Variants in NCOA1 observed in about 807,000 individuals in gnomAD.
NCOA1 encodes the protein nuclear receptor coactivator 1.
Under a neutral mutation model 150.9 loss-of-function variants are expected in NCOA1, and 35 were observed. The observed-to-expected ratio is 0.23, with a 90% CI of 0.18 to 0.31. NCOA1 has a LOEUF of 0.31. Among genes scored for constraint, NCOA1 ranks in the 10% least tolerant of loss-of-function variants. NCOA1 has a pLI of 1.00. For synonymous variants in NCOA1, 590 were observed against 630.0 expected (o/e 0.94, Z 0.95); for missense variants, 1,491 against 1,749.3 (o/e 0.85, Z 2.63).
At chr2:24,549,296 G>A (rs1195860861) in intron 1 of NCOA1, among the ~76,000 whole-genome samples, 1 of 152,118 alleles carries the variant, frequency 6.6e-6, no homozygotes, top group East Asian at 1.9e-4. Context: ...GGCACACAGG[G>A]CACTAAGTCC....
At chr2:24,532,604 T>A (rs1664947011) in intron 1 of NCOA1, among the ~76,000 whole-genome samples, 1 of 152,216 alleles carries the variant, frequency 6.6e-6, no homozygotes, top group African/African-American at 2.4e-5. Context: ...TTTAAATCTT[T>A]AATCCATCTT....
chr2:24,496,581 CTCTT>C (rs1663224747), intron 1 of NCOA1, among the ~76,000 whole-genome samples: 2 of 152,176 alleles, frequency 1.3e-5, no homozygotes, highest in African/African-American at 4.8e-5. Flanking sequence ...CTCTTTCTCT[CTCTT>C]TCTTTTGAGA....
At chr2:24,764,818 C>T (rs1213856107) in intron 22 of NCOA1, among the ~76,000 whole-genome samples, 1 of 152,080 alleles carries the variant, frequency 6.6e-6, no homozygotes, top group Non-Finnish European at 1.5e-5. Flanking sequence ...GATATATTGG[C>T]CAGTTGAGAA....
At chr2:24,675,164 T>C (rs1487297457) in intron 7 of NCOA1, among the ~76,000 whole-genome samples, 1 of 152,252 alleles carries the variant, frequency 6.6e-6, no homozygotes, top group Non-Finnish European at 1.5e-5. Context: ...GGTTTATCTG[T>C]GTCTTTGTCT....
chr2:24,514,318 AAAAG>A (rs1399007910), intron 1 of NCOA1, among the ~76,000 whole-genome samples: 1 of 151,088 alleles, frequency 6.6e-6, no homozygotes, highest in Non-Finnish European at 1.5e-5. Context: ...GAAAAAAACA[AAAAG>A]AAAAAAAGAA....
intron 1 of NCOA1, among the ~76,000 whole-genome samples, chr2:24,530,705 A>G (rs372034686): frequency 6.6e-6 from 1 of 152,220 alleles, no homozygotes; most frequent in Admixed American, 6.5e-5. Flanking sequence ...GAGTCCACAT[A>G]ACACTTAGAC....
In NCOA1 at chr2:24,729,545, A is replaced by G; in HGVS notation, c.2931A>G (p.Gln977=). The change falls in exon 17 of 23, where the codon CAA becomes CAG. Residue 977 remains glutamine (Q), a synonymous_variant. Transcript: ENST00000348332. ...DVLSERFPPQ[Q]ATPPLIMEER... is the part of the protein sequence containing the mutation. ...TATCAGAGAGATTTCCACCACAACA[A>G]GCAACGCCACCTTTGATCATGGAAG... 4 of 1,614,170 alleles carry G rather than the reference A, an allele frequency of 2.5e-6. No individual in the cohort carries two copies. Among genetic ancestry groups the G allele is most frequent in the Non-Finnish European group, 3.4e-6 (4 of 1,180,012 alleles).
At chr2:24,698,801 T>G (rs1012990163) in intron 11 of NCOA1, among the ~76,000 whole-genome samples, 2 of 152,186 alleles carry the variant, frequency 1.3e-5, no homozygotes, top group African/African-American at 2.4e-5. Context: ...TTTCCTAAGT[T>G]TACGGATGAT....
At chr2:24,650,902 T>C (rs1166393579) in intron 4 of NCOA1, among the ~76,000 whole-genome samples, 1 of 152,138 alleles carries the variant, frequency 6.6e-6, no homozygotes, top group Non-Finnish European at 1.5e-5. Context: ...CAGTTGAGCA[T>C]CGAAAATCTG....
chr2:24,536,376 T>G (rs1440556595), intron 1 of NCOA1, among the ~76,000 whole-genome samples: 1 of 152,228 alleles, frequency 6.6e-6, no homozygotes, highest in Non-Finnish European at 1.5e-5. Flanking sequence ...GGTTTTTAGC[T>G]TCCTTGCAAT....
chr2:24,564,610 A>G (rs1666421013), intron 2 of NCOA1, 180 bp downstream of exon 2: 1 of 152,318 alleles, frequency 6.6e-6, no homozygotes, highest in East Asian at 1.9e-4. Flanking sequence ...CTGAGAAAAG[A>G]TCCAGATTTT....
intron 3 of NCOA1, among the ~76,000 whole-genome samples, chr2:24,621,373 C>T (rs951615086): frequency 1.4e-5 from 2 of 138,460 alleles, no homozygotes; most frequent in Admixed American, 7.5e-5. Flanking sequence ...TCTAATTGAA[C>T]ATTGTTATTG....
chr2:24,509,262 C>T (rs944580161), intron 1 of NCOA1, among the ~76,000 whole-genome samples: 4 of 152,152 alleles, frequency 2.6e-5, no homozygotes, highest in Non-Finnish European at 5.9e-5. Flanking sequence ...ATTAAAGTGT[C>T]CAAGGCCACA....
At chr2:24,552,371 T>A (rs1412097017) in intron 1 of NCOA1, among the ~76,000 whole-genome samples, 6 of 102,156 alleles carry the variant, frequency 5.9e-5, no homozygotes, top group African/African-American at 8.3e-5. Context: ...TTTTTTTTTT[T>A]TTTTTTTTTT....
Position 24,700,143 on chromosome 2 carries a change from C to CTAATAATAA in NCOA1, c.949+2375_949+2383dup, listed in dbSNP as rs60674114. On this transcript the variant is annotated intron_variant, in intron 11 of 22. Transcript: ENST00000348332. ...GGGCAACAAGAGCGAAACTTCATCG[C>CTAATAATAA]TAATAATAATAATAATAATAATAAT... Among the ~76,000 whole-genome samples the CTAATAATAA allele has an allele frequency of 5.3e-3, 758 of 143,078 alleles. 4 individuals are homozygous for CTAATAATAA. The highest frequency in any genetic ancestry group is 0.012 in the East Asian group (60 of 4,960). The allele number at this position is 143,078 out of a possible 152,430, so 93.9% of individuals were successfully genotyped here.
chr2:24,519,542 G>C (rs1292789826), intron 1 of NCOA1, among the ~76,000 whole-genome samples: 1 of 151,782 alleles, frequency 6.6e-6, no homozygotes, highest in Non-Finnish European at 1.5e-5. Context: ...AAACACGGTT[G>C]GGCATGGTAG....
At chr2:24,721,016 C>G (rs1674334873) in intron 14 of NCOA1, among the ~76,000 whole-genome samples, 1 of 152,218 alleles carries the variant, frequency 6.6e-6, no homozygotes, top group African/African-American at 2.4e-5. Flanking sequence ...AGTAATGGCT[C>G]TATCCCCCAT....
chr2:24,554,700 A>C (rs1456707755), intron 1 of NCOA1: 3 of 152,162 alleles, frequency 2.0e-5, no homozygotes, highest in Non-Finnish European at 2.9e-5. Flanking sequence ...AACATGGCCA[A>C]CATAGCCAGC....
chr2:24,682,004 G>C (rs564978687), intron 7 of NCOA1, among the ~76,000 whole-genome samples: 1 of 152,294 alleles, frequency 6.6e-6, no homozygotes, highest in South Asian at 2.1e-4. Flanking sequence ...GTGAGACACT[G>C]CGCCCGGCCC....
Sources: gnomAD v4.1 joint callset for allele counts (sites outside exome capture counted in the v4.1 genomes callset) on GRCh38, gnomAD v4.1.1 for gene constraint, MANE v1.5 for transcripts, NCBI Gene and HGNC (gene_info 2026-07-23, HGNC 2026-07-21) for gene names.